PDGFA: variants seen among roughly 807,000 people sequenced by gnomAD.
PDGFA encodes platelet-derived growth factor subunit A.
A neutral mutation model predicts 25.6 loss-of-function variants in PDGFA; 9 were observed. That is an observed-to-expected ratio of 0.35 (90% CI 0.21 to 0.61). PDGFA has a LOEUF of 0.61. Among genes scored for constraint, PDGFA ranks in the 20% least tolerant of loss-of-function variants. The pLI is 0.75. For synonymous variants in PDGFA, 133 were observed against 111.8 expected (o/e 1.19, Z -1.20); for missense variants, 242 against 272.8 (o/e 0.89, Z 0.79).
At position 511,043 on chromosome 7, in the gene PDGFA, C is replaced by T. The variant is rs528010370; in HGVS notation, c.266-47G>A. 3.5e-5 allele frequency: 53 copies of T among 1,499,862 alleles called. 1 individual carries two copies. Among genetic ancestry groups the T allele is most frequent in the South Asian group, 2.0e-4 (17 of 85,834 alleles). 92.9% of individuals were successfully genotyped at this position (1,499,862 alleles called of 1,614,324 possible). A position where few individuals can be genotyped will look rare whatever the true frequency, so the allele number is the denominator to read the frequency against. On this transcript the variant is annotated intron_variant, in intron 3 of 5. Transcript: ENST00000402802. ...GAGCGGGGACCGGCCTCTGCGACCA[C>T]GGCCCCACCCCAGGGCTGAGGCGGC...
In PDGFA at chr7:517,369, C is replaced by A; in HGVS notation, c.160+25G>T. 1 of 1,236,270 alleles carries A rather than the reference C, an allele frequency of 8.1e-7. No homozygotes were observed. The highest frequency in any genetic ancestry group is 1.1e-6 in the Non-Finnish European group (1 of 939,884). The allele number at this position is 1,236,270 out of a possible 1,614,324, so 76.6% of individuals were successfully genotyped here. On this transcript the variant is annotated intron_variant, in intron 2 of 5. Transcript: ENST00000402802. This position sits in a 1 kb window ranked among gnomAD's most constrained non-coding sequence, Gnocchi z 7.4. ...GCCGCCCGCCCGCGCCCTCCCCGCG[C>A]GCGGAGGGAAGGGGCGCGATTTACC...
At chr7:497,722 T>C (rs1445236135) in exon 6 of PDGFA, 1 of 151,524 alleles carries the variant, frequency 6.6e-6, no homozygotes, top group Non-Finnish European at 1.5e-5. Context: ...GCCAGAAACA[T>C]TTAGGAAATG....
chr7:508,102 G>GTCGTGTGA lies in PDGFA; in HGVS notation c.453+2699_453+2706dup, dbSNP rs1392017666. On this transcript the variant is annotated intron_variant, in intron 4 of 5. Transcript: ENST00000402802. ...CCCAGTTATGGGTCTAAAGTGCCCG[G>GTCGTGTGA]TCGTGTGACGAGGAAACGACCCGGC... Among the ~76,000 whole-genome samples, 6 of 152,146 alleles carry GTCGTGTGA rather than the reference G, an allele frequency of 3.9e-5. 1 individual carries two copies.
chr7:512,042 A>G (rs974556013), intron 3 of PDGFA, among the ~76,000 whole-genome samples: 9 of 152,206 alleles, frequency 5.9e-5, no homozygotes, highest in Admixed American at 5.9e-4. Context: ...CCGACAAGAC[A>G]GGGCGCTTAA....
chr7:520,674 G>T (rs1207748008), upstream of PDGFA: 1 of 152,310 alleles, frequency 6.6e-6, no homozygotes, highest in Non-Finnish European at 1.5e-5. Flanking sequence ...TCCGTGGGGC[G>T]CACAGAGCGC....
chr7:505,159 T>TA (rs1367756585), intron 4 of PDGFA, among the ~76,000 whole-genome samples: 1 of 152,086 alleles, frequency 6.6e-6, no homozygotes, highest in East Asian at 1.9e-4. Flanking sequence ...ACCTCCTCCA[T>TA]AAAAGAAGGC....
intron 2 of PDGFA, among the ~76,000 whole-genome samples, chr7:515,923 G>T (rs1378601139): frequency 1.3e-5 from 2 of 151,708 alleles, no homozygotes; most frequent in Admixed American, 1.3e-4. Flanking sequence ...AAAGTGAATG[G>T]CCCATTTCCC....
At chr7:503,653 G>A (rs148223119) in intron 4 of PDGFA, among the ~76,000 whole-genome samples, 60 of 152,290 alleles carry the variant, frequency 3.9e-4, no homozygotes, top group Admixed American at 2.9e-3. Context: ...GGCAGGCTCC[G>A]AAGGTAAGCC....
At chr7:514,740 T>C (rs1227371051) in intron 2 of PDGFA, among the ~76,000 whole-genome samples, 3 of 152,230 alleles carry the variant, frequency 2.0e-5, no homozygotes, top group African/African-American at 7.2e-5. Context: ...CCAGACCACT[T>C]TGGGGAACAA....
Position 510,791 on chromosome 7 carries a change from G to C in PDGFA, c.453+18C>G. The C allele has an allele frequency of 7.5e-7, 1 of 1,334,090 alleles. No individual in the cohort carries two copies. Among genetic ancestry groups the C allele is most frequent in the Non-Finnish European group, 1.0e-6 (1 of 983,596 alleles). 82.6% of individuals were successfully genotyped at this position (1,334,090 alleles called of 1,614,324 possible). A position where few individuals can be genotyped will look rare whatever the true frequency, so the allele number is the denominator to read the frequency against. On this transcript the variant is annotated intron_variant, in intron 4 of 5. Coordinates refer to ENST00000402802, the Ensembl canonical transcript of PDGFA. ...GAGGAGGGGAGGGGAGGGGAGGGGAGGGGAGGGGAGGGCTCACCTTGACGC... is the reference window on the plus strand; with the variant it reads ...GAGGAGGGGAGGGGAGGGGAGGGGACGGGAGGGGAGGGCTCACCTTGACGC...
At position 516,049 on chromosome 7, in the gene PDGFA, C is replaced by G. The variant is rs182066190; in HGVS notation, c.160+1345G>C. 2.6e-4 allele frequency among the ~76,000 whole-genome samples: 22 copies of G among 86,012 alleles called. 1 individual carries two copies. The highest frequency in any genetic ancestry group is 8.5e-4 in the African/African-American group (17 of 19,904). The allele number at this position is 86,012 out of a possible 152,430, so 56.4% of individuals were successfully genotyped here. A position where few individuals can be genotyped will look rare whatever the true frequency, so the allele number is the denominator to read the frequency against. On this transcript the variant is annotated intron_variant, in intron 2 of 5. Coordinates refer to ENST00000402802, the Ensembl canonical transcript of PDGFA. The stretch of plus-strand genomic sequence containing the variant: ...CCTTCTCCAGGAAGCAGCCCCCCCC[C>G]CCCACTTTTCCAAACCCATCCAGGA...
At chr7:514,944 C>T (rs1466959288) in intron 2 of PDGFA, among the ~76,000 whole-genome samples, 2 of 151,864 alleles carry the variant, frequency 1.3e-5, no homozygotes, top group African/African-American at 4.8e-5. Flanking sequence ...CCGTGCTCCT[C>T]CAGCCACAGT....
intron 5 of PDGFA, 108 bp downstream of exon 5, chr7:501,008 A>G: frequency 6.2e-7 from 1 of 1,606,882 alleles, no homozygotes. Context: ...AGCAGCCCAG[A>G]TGCTCACAGC....
intron 4 of PDGFA, among the ~76,000 whole-genome samples, chr7:508,591 C>A (rs1186055612): frequency 2.0e-5 from 1 of 49,894 alleles, no homozygotes; most frequent in Non-Finnish European, 5.9e-5. Flanking sequence ...AAAAAAAATT[C>A]TCAGCTGAGG....
intron 2 of PDGFA, among the ~76,000 whole-genome samples, chr7:516,040 G>GCCTC (rs1783077619): frequency 3.0e-5 from 1 of 33,766 alleles, no homozygotes; most frequent in African/African-American, 1.2e-4. Flanking sequence ...CCAGGAAGCA[G>GCCTC]CCCCCCCCCC....
rs1264633956 is a variant in PDGFA, at chr7:517,218, G to C, written c.160+176C>G. On this transcript the variant is annotated intron_variant, in intron 2 of 5. Coordinates refer to ENST00000402802, the Ensembl canonical transcript of PDGFA. The surrounding 1 kb of genome is among the most constrained non-coding windows in gnomAD (Gnocchi z 7.4). ...GCAGCCCTCGGCCGCCGCTGGGAGA[G>C]AAAGTGGAGACTGGAAGAGAAACTC... 2.6e-5 allele frequency among the ~76,000 whole-genome samples: 4 copies of C among 151,606 alleles called. No individual in the cohort carries two copies. Among genetic ancestry groups the C allele is most frequent in the African/African-American group, 7.3e-5 (3 of 41,358 alleles).
exon 4 of PDGFA, chr7:510,985 G>A (rs1782804346): frequency 6.2e-7 from 1 of 1,612,190 alleles, no homozygotes; most frequent in Non-Finnish European, 8.5e-7. Flanking sequence ...CAGACAGCGG[G>A]GACAGCTTCC....
At chr7:511,926 C>T (rs569691491) in intron 3 of PDGFA, among the ~76,000 whole-genome samples, 28 of 152,316 alleles carry the variant, frequency 1.8e-4, no homozygotes, top group African/African-American at 6.5e-4. Context: ...GGACACAGCA[C>T]GCGCGTCCCC....
chr7:510,935 C>T (rs1446700350), exon 4 of PDGFA: 3 of 1,612,722 alleles, frequency 1.9e-6, no homozygotes, highest in Non-Finnish European at 2.5e-6. Context: ...TGGGGTCGAC[C>T]TGACTCCGAG....
Sources: gnomAD v4.1 joint callset for allele counts (sites outside exome capture counted in the v4.1 genomes callset) on GRCh38, gnomAD v4.1.1 for gene constraint, Gnocchi (gnomAD v3.1) non-coding constraint, MANE v1.5 for transcripts, NCBI Gene and HGNC (gene_info 2026-07-23, HGNC 2026-07-21) for gene names.